The following MAGI1 variants were observed in gnomAD, a reference collection of about 807,000 sequenced individuals.
MAGI1 encodes membrane associated guanylate kinase, WW and PDZ domain containing 1, also known as membrane-associated guanylate kinase, WW and PDZ domain-containing protein 1.
A neutral mutation model predicts 139.9 loss-of-function variants in MAGI1; 58 were observed. That is an observed-to-expected ratio of 0.41 (90% CI 0.34 to 0.52). MAGI1 has a LOEUF of 0.52. Ranked by LOEUF, MAGI1 falls within the 20% of genes least tolerant of loss-of-function variation. MAGI1 has a pLI of 0.12. For missense variants in MAGI1, 1,874 were observed against 1,901.6 expected, an observed-to-expected ratio of 0.99 and a Z score of 0.27; for synonymous variants, 812 against 737.9, an observed-to-expected ratio of 1.10 and a Z score of -1.63.
Position 65,391,134 on chromosome 3 carries a change from C to G in MAGI1, c.2416+8G>C. On this transcript the variant is annotated splice_region_variant and intron_variant, in intron 14 of 22. Coordinates refer to ENST00000402939, the MANE Select transcript of MAGI1 (RefSeq NM_001033057.2). ...TCAGGGTAAGACAGAGGCCAGGATGCTACTCACGTCGGTTTTCATACATGC... is the reference window on the plus strand; with the variant it reads ...TCAGGGTAAGACAGAGGCCAGGATGGTACTCACGTCGGTTTTCATACATGC... The G allele has an allele frequency of 1.9e-6, 3 of 1,613,408 alleles. No individual in the cohort carries two copies. Among genetic ancestry groups the G allele is most frequent in the Non-Finnish European group, 2.5e-6 (3 of 1,179,396 alleles).
intron 5 of MAGI1, among the ~76,000 whole-genome samples, chr3:65,459,511 TG>T (rs1437213972): frequency 6.6e-6 from 1 of 152,236 alleles, no homozygotes; most frequent in Non-Finnish European, 1.5e-5. Context: ...AAATTTTCTT[TG>T]TACGTTTCTC....
chr3:66,027,380 T>C (rs966729781), intron 1 of MAGI1, among the ~76,000 whole-genome samples: 2 of 152,152 alleles, frequency 1.3e-5, no homozygotes, highest in African/African-American at 4.8e-5. Flanking sequence ...CATAGCTCAC[T>C]GCAGCCTCGG....
intron 1 of MAGI1, among the ~76,000 whole-genome samples, chr3:66,024,304 G>A (rs1260448055): frequency 7.5e-6 from 1 of 133,606 alleles, no homozygotes; most frequent in Non-Finnish European, 1.6e-5. Flanking sequence ...TTTAAAACTG[G>A]CAAAGTTCAT....
intron 1 of MAGI1, among the ~76,000 whole-genome samples, chr3:65,827,244 T>C (rs2042278216): frequency 1.3e-5 from 2 of 152,124 alleles, no homozygotes; most frequent in Admixed American, 6.6e-5. Flanking sequence ...AACAGCAACA[T>C]TCATGACCAA....
At chr3:65,715,745 T>C (rs901344247) in intron 1 of MAGI1, among the ~76,000 whole-genome samples, 1 of 152,224 alleles carries the variant, frequency 6.6e-6, no homozygotes, top group South Asian at 2.1e-4. Context: ...TGAAAGATAA[T>C]TGCATCAATG....
chr3:65,819,875 C>CAAAAAAAAAAATAAAAAAAAAAAAA (rs2041840421), intron 1 of MAGI1, among the ~76,000 whole-genome samples: 1 of 33,454 alleles, frequency 3.0e-5, no homozygotes, highest in African/African-American at 8.5e-5. Flanking sequence ...GACTCCATCT[C>CAAAAAAAAAAATAAAAAAAAAAAAA]AAAAAAAAAA....
intron 1 of MAGI1, among the ~76,000 whole-genome samples, chr3:66,000,341 T>G (rs9833692): frequency 1.3e-5 from 2 of 152,216 alleles, no homozygotes; most frequent in Non-Finnish European, 2.9e-5. Context: ...AGGCCTCCAA[T>G]TGGGCTCAAG....
At chr3:65,401,310 G>T in intron 13 of MAGI1, 129 bp downstream of exon 13, 1 of 1,160,634 alleles carries the variant, frequency 8.6e-7, no homozygotes, top group Non-Finnish European at 1.2e-6. Context: ...ATGAGCCCCG[G>T]CTCCTGTCTC....
intron 1 of MAGI1, among the ~76,000 whole-genome samples, chr3:65,760,859 G>T (rs578208390): frequency 1.3e-5 from 2 of 152,182 alleles, no homozygotes; most frequent in Non-Finnish European, 2.9e-5. Flanking sequence ...CATCTGAGAA[G>T]GAGGGAAAGA....
At chr3:65,837,663 G>A (rs139070933) in intron 1 of MAGI1, among the ~76,000 whole-genome samples, 56 of 152,290 alleles carry the variant, frequency 3.7e-4, no homozygotes, top group African/African-American at 1.3e-3. Context: ...AAAGCGCGAA[G>A]TAACTCAAAT....
intron 1 of MAGI1, among the ~76,000 whole-genome samples, chr3:65,868,966 C>G (rs889961834): frequency 2.0e-5 from 3 of 152,100 alleles, no homozygotes; most frequent in African/African-American, 7.2e-5. Context: ...CTATCAACTT[C>G]TAACATACCT....
intron 1 of MAGI1, among the ~76,000 whole-genome samples, chr3:65,825,523 A>T (rs2042175627): frequency 6.6e-6 from 1 of 152,182 alleles, no homozygotes; most frequent in Admixed American, 6.5e-5. Context: ...CTAGAGAGTC[A>T]GTAGTTAAAT....
chr3:65,837,598 G>C (rs1019273056), intron 1 of MAGI1, among the ~76,000 whole-genome samples: 3 of 152,196 alleles, frequency 2.0e-5, no homozygotes, highest in African/African-American at 7.2e-5. Flanking sequence ...CCAACGTCCT[G>C]ATGCTTGGTA....
chr3:65,405,832 A>T (rs1945291710), intron 12 of MAGI1, among the ~76,000 whole-genome samples: 1 of 134,850 alleles, frequency 7.4e-6, no homozygotes, highest in Non-Finnish European at 1.7e-5. Context: ...TGACCTCATG[A>T]TCCACCCACC....
intron 1 of MAGI1, among the ~76,000 whole-genome samples, chr3:65,976,792 C>T (rs2065288793): frequency 6.6e-6 from 1 of 152,162 alleles, no homozygotes; most frequent in Admixed American, 6.5e-5. Flanking sequence ...CACAGGTAAA[C>T]CATGAAGAAG....
chr3:65,612,139 T>A (rs2083157538), intron 2 of MAGI1, among the ~76,000 whole-genome samples: 1 of 152,058 alleles, frequency 6.6e-6, no homozygotes, highest in Non-Finnish European at 1.5e-5. Flanking sequence ...GACAAAAACA[T>A]AACATTCACA....
At chr3:65,861,084 G>A (rs2059540736) in intron 1 of MAGI1, among the ~76,000 whole-genome samples, 1 of 152,130 alleles carries the variant, frequency 6.6e-6, no homozygotes, top group South Asian at 2.1e-4. Flanking sequence ...CAGCCACAAC[G>A]CGGCCTTTGA....
At chr3:65,904,661 A>G (rs1175050893) in intron 1 of MAGI1, among the ~76,000 whole-genome samples, 2 of 151,434 alleles carry the variant, frequency 1.3e-5, no homozygotes, top group Admixed American at 1.3e-4. Context: ...TCCAGGTCTT[A>G]GACCACCCTG....
At chr3:65,560,175 AG>A (rs1276788819) in intron 2 of MAGI1, among the ~76,000 whole-genome samples, 5 of 152,246 alleles carry the variant, frequency 3.3e-5, no homozygotes, top group African/African-American at 1.2e-4. Flanking sequence ...AGAAATATAT[AG>A]GGGATTCCCT....
Sources: allele counts gnomAD v4.1 joint callset (sites outside exome capture counted in the v4.1 genomes callset), GRCh38; gene constraint gnomAD v4.1.1; transcripts MANE v1.5; gene names NCBI Gene and HGNC (gene_info 2026-07-23, HGNC 2026-07-21).